TTC1: variants seen among roughly 807,000 people sequenced by gnomAD.
TTC1 encodes tetratricopeptide repeat protein 1.
A neutral mutation model predicts 37.6 loss-of-function variants in TTC1; 31 were observed. That is an observed-to-expected ratio of 0.82 (90% CI 0.62 to 1.11). TTC1 has a LOEUF of 1.11. TTC1 is among the 50% of genes most tolerant of loss of function. The pLI is 0.00. For synonymous variants in TTC1, 127 were observed against 122.4 expected, an observed-to-expected ratio of 1.04 and a Z score of -0.25; for missense variants, 351 against 339.0, an observed-to-expected ratio of 1.04 and a Z score of -0.28.
chr5:160,042,758 C>T (rs555922382), intron 4 of TTC1, among the ~76,000 whole-genome samples: 29 of 152,302 alleles, frequency 1.9e-4, no homozygotes, highest in African/African-American at 6.5e-4. Flanking sequence ...AGTATAACCA[C>T]TAGCCAGAGA....
chr5:160,063,031 C>A (rs1028894969), intron 7 of TTC1, among the ~76,000 whole-genome samples: 8 of 152,296 alleles, frequency 5.3e-5, no homozygotes, highest in African/African-American at 1.7e-4. Context: ...CAGCACAGAA[C>A]GTGTGTGTCC....
At chr5:160,016,131 A>T (rs1056694589) in intron 2 of TTC1, among the ~76,000 whole-genome samples, 1 of 152,230 alleles carries the variant, frequency 6.6e-6, no homozygotes, top group African/African-American at 2.4e-5. Context: ...TAATCCCAGC[A>T]CTTTGGGAGG....
At chr5:160,024,638 A>G (rs999258891) in intron 2 of TTC1, among the ~76,000 whole-genome samples, 3 of 151,848 alleles carry the variant, frequency 2.0e-5, no homozygotes, top group Admixed American at 1.3e-4. Flanking sequence ...CTGGGAATAC[A>G]GGGGCTTGCC....
chr5:160,011,542 C>G (rs1459320797), intron 2 of TTC1, among the ~76,000 whole-genome samples: 1 of 152,160 alleles, frequency 6.6e-6, no homozygotes, highest in Non-Finnish European at 1.5e-5. Flanking sequence ...AACTAATTCT[C>G]AAATCAAATC....
intron 5 of TTC1, among the ~76,000 whole-genome samples, chr5:160,045,520 A>ACACTCTCTCTCT (rs1202139318): frequency 5.5e-5 from 3 of 54,880 alleles, no homozygotes; most frequent in Admixed American, 2.3e-4. Flanking sequence ...ACACATACAC[A>ACACTCTCTCTCT]CTCTCTCTCT....
chr5:160,022,275 A>C (rs1756724935), intron 2 of TTC1, among the ~76,000 whole-genome samples: 1 of 152,208 alleles, frequency 6.6e-6, no homozygotes, highest in Non-Finnish European at 1.5e-5. Flanking sequence ...TACCCTACTC[A>C]GCCACTGCAT....
intron 2 of TTC1, among the ~76,000 whole-genome samples, chr5:160,027,860 T>C (rs1220198197): frequency 1.3e-5 from 2 of 152,224 alleles, no homozygotes; most frequent in Non-Finnish European, 2.9e-5. Context: ...ATTTTTCTCT[T>C]GTGGCTTTCA....
chr5:160,014,731 C>T (rs984254002), intron 2 of TTC1, among the ~76,000 whole-genome samples: 1 of 151,964 alleles, frequency 6.6e-6, no homozygotes. Context: ...ATTTTAAAAT[C>T]GTCACATGTG....
At chr5:160,027,493 A>G (rs749778366) in intron 2 of TTC1, among the ~76,000 whole-genome samples, 4 of 152,214 alleles carry the variant, frequency 2.6e-5, no homozygotes, top group Non-Finnish European at 4.4e-5. Flanking sequence ...ACAGCTTTTT[A>G]TAATCTTTTG....
chr5:160,063,216 C>G (rs575983704), intron 7 of TTC1, among the ~76,000 whole-genome samples: 1 of 152,158 alleles, frequency 6.6e-6, no homozygotes, highest in African/African-American at 2.4e-5. Context: ...TTAGGGAGGC[C>G]TGTAAAATGT....
chr5:160,055,255 T>C (rs1230684568), intron 7 of TTC1, among the ~76,000 whole-genome samples: 1 of 152,198 alleles, frequency 6.6e-6, no homozygotes, highest in Non-Finnish European at 1.5e-5. Context: ...AATCTGTATG[T>C]ATATATTTTT....
At chr5:160,028,954 C>CA (rs1477325807) in intron 2 of TTC1, among the ~76,000 whole-genome samples, 2 of 152,236 alleles carry the variant, frequency 1.3e-5, no homozygotes, top group Admixed American at 1.3e-4. Context: ...GTTAACATAA[C>CA]AATCATGAAT....
At position 160,065,537 on chromosome 5, in the gene TTC1, G is replaced by C. The variant is rs1753582450; in HGVS notation, c.*472G>C. ...TCCTCTGTGGTAATAAAAGCTTTCT[G>C]TGCTTAGGTCTGGGTTAGGTTGTGA... On this transcript the variant is annotated 3_prime_UTR_variant, in exon 8 of 8. Coordinates refer to ENST00000231238, the MANE Select transcript of TTC1 (RefSeq NM_003314.3). 2.6e-6 allele frequency: 1 copy of C among 389,364 alleles called. No homozygotes were observed. The highest frequency in any genetic ancestry group is 5.1e-6 in the Non-Finnish European group (1 of 197,184). 24.1% of individuals were successfully genotyped at this position (389,364 alleles called of 1,614,324 possible).
chr5:160,014,305 C>T (rs891595125), intron 2 of TTC1, among the ~76,000 whole-genome samples: 2 of 151,882 alleles, frequency 1.3e-5, no homozygotes, highest in African/African-American at 4.8e-5. Context: ...TTGCAGTGAG[C>T]CGAGATTGGG....
At chr5:160,053,296 A>T (rs936307079) in intron 7 of TTC1, among the ~76,000 whole-genome samples, 7 of 152,184 alleles carry the variant, frequency 4.6e-5, no homozygotes, top group African/African-American at 1.7e-4. Context: ...AAAATTTTTT[A>T]AATTGGGTAG....
At chr5:160,011,659 C>T (rs1323904350) in intron 2 of TTC1, among the ~76,000 whole-genome samples, 1 of 152,202 alleles carries the variant, frequency 6.6e-6, no homozygotes, top group Non-Finnish European at 1.5e-5. Context: ...GTTTCTTTGC[C>T]CTGGGGCCAC....
At chr5:160,045,488 AC>A (rs1757197342) in intron 5 of TTC1, among the ~76,000 whole-genome samples, 1 of 121,912 alleles carries the variant, frequency 8.2e-6, no homozygotes, top group Non-Finnish European at 1.7e-5. Context: ...ACACACACAC[AC>A]ACACACACAC....
intron 2 of TTC1, among the ~76,000 whole-genome samples, chr5:160,032,994 G>A (rs1047199228): frequency 4.6e-5 from 7 of 151,960 alleles, no homozygotes; most frequent in Non-Finnish European, 1.0e-4. Context: ...AAAGTGCTGG[G>A]ATTACAGGCG....
chr5:160,019,644 G>A lies in TTC1; in HGVS notation c.330+8786G>A, dbSNP rs111910299. ...TCTCTGTTGCCCAAGCTGGAGTGCAGCGGTGCGATCTCTGCTCACTGCAAC... is the reference window on the plus strand; with the variant it reads ...TCTCTGTTGCCCAAGCTGGAGTGCAACGGTGCGATCTCTGCTCACTGCAAC... On this transcript the variant is annotated intron_variant, in intron 2 of 7. Coordinates refer to ENST00000231238, the MANE Select transcript of TTC1 (RefSeq NM_003314.3). Among the ~76,000 whole-genome samples the A allele has an allele frequency of 5.0e-3, 710 of 142,734 alleles. 5 individuals are homozygous for A. Among genetic ancestry groups the A allele is most frequent in the African/African-American group, 0.018 (684 of 37,912 alleles). 93.6% of individuals were successfully genotyped at this position (142,734 alleles called of 152,430 possible).
Sources: gnomAD v4.1 joint callset for allele counts (sites outside exome capture counted in the v4.1 genomes callset) on GRCh38, gnomAD v4.1.1 for gene constraint, MANE v1.5 for transcripts, NCBI Gene and HGNC (gene_info 2026-07-23, HGNC 2026-07-21) for gene names.